Variants in TANC1 observed in about 807,000 individuals in gnomAD.
TANC1 encodes protein TANC1.
TANC1 carries 77 observed loss-of-function variants against 149.7 expected under a neutral mutation model. The observed-to-expected ratio is 0.51, with a 90% CI of 0.43 to 0.62. TANC1 has a LOEUF of 0.62. TANC1 is among the 20% of genes least tolerant of loss of function. The probability of loss-of-function intolerance (pLI) is 0.00; values close to 1 mark genes in which losing one functional copy is unlikely to be tolerated. For missense variants in TANC1, 1,985 were observed against 2,321.8 expected, an observed-to-expected ratio of 0.85 and a Z score of 2.98; for synonymous variants, 854 against 925.0, an observed-to-expected ratio of 0.92 and a Z score of 1.39.
In TANC1 at chr2:159,175,042, G is replaced by C; in HGVS notation, c.1593G>C (p.Arg531=). Residue 531 remains arginine (R), a synonymous_variant, in exon 12 of 27, where the codon CGG becomes CGC. Coordinates refer to ENST00000263635, the MANE Select transcript of TANC1 (RefSeq NM_033394.3). ...ACAGCATCGCAGCTTTGCTCTGCCG[G>C]TCCCATCAGCTGGCCGCCTACAGAG... ...FVHSIAALLC[R]SHQLAAYRDL... The C allele has an allele frequency of 1.2e-6, 2 of 1,614,194 alleles. No homozygotes were observed. The highest frequency in any genetic ancestry group is 1.7e-6 in the Non-Finnish European group (2 of 1,180,040).
At chr2:159,175,627 AT>A (rs1447303297) in intron 12 of TANC1, among the ~76,000 whole-genome samples, 1 of 152,158 alleles carries the variant, frequency 6.6e-6, no homozygotes, top group East Asian at 1.9e-4. Flanking sequence ...TTCCATTTTA[AT>A]TGTTTGTCCC....
chr2:159,212,945 C>T (rs1238923318), intron 19 of TANC1, among the ~76,000 whole-genome samples: 1 of 151,174 alleles, frequency 6.6e-6, no homozygotes, highest in Non-Finnish European at 1.5e-5. Context: ...AAAAAAATTT[C>T]CCTGAAACAA....
rs542046635 is a variant in TANC1 at position 159,043,848 on chromosome 2, A to G, written c.-15-22048A>G. Among the ~76,000 whole-genome samples, 4 of 152,312 alleles carry G rather than the reference A, an allele frequency of 2.6e-5. No individual in the cohort carries two copies. In the East Asian group the frequency reaches 7.7e-4, roughly 29 times the overall value. On this transcript the variant is annotated intron_variant, in intron 2 of 26. Transcript: ENST00000263635. ...GAAAAACTTCTTAAAGTTTAATGAC[A>G]AGGCTCCTTATCGCTCCTGGAAGAC...
chr2:159,119,261 G>T (rs925668196), intron 4 of TANC1, among the ~76,000 whole-genome samples: 1 of 152,194 alleles, frequency 6.6e-6, no homozygotes, highest in Admixed American at 6.5e-5. Context: ...GTGTGGGAAT[G>T]TGGAGCCAGT....
At chr2:159,169,502 CA>C in intron 9 of TANC1, 130 bp downstream of exon 9, 1 of 992,182 alleles carries the variant, frequency 1.0e-6, no homozygotes, top group Non-Finnish European at 1.5e-6. Flanking sequence ...GTGCTAAAAG[CA>C]TATCTGTGAG....
At chr2:158,981,291 A>C (rs537378928) in intron 1 of TANC1, among the ~76,000 whole-genome samples, 5 of 150,662 alleles carry the variant, frequency 3.3e-5, no homozygotes, top group Non-Finnish European at 7.4e-5. Flanking sequence ...ATCTCTATTG[A>C]AAGTGAAAAA....
intron 2 of TANC1, among the ~76,000 whole-genome samples, chr2:159,009,757 TC>T (rs1383687855): frequency 6.6e-6 from 1 of 152,152 alleles, no homozygotes; most frequent in Non-Finnish European, 1.5e-5. Context: ...ATTTTGAATG[TC>T]CCCAACACAA....
At chr2:159,074,275 CAGGG>C (rs372700665) in intron 3 of TANC1, among the ~76,000 whole-genome samples, 165 of 152,300 alleles carry the variant, frequency 1.1e-3, no homozygotes, top group African/African-American at 3.8e-3. Flanking sequence ...TAAAGTTTGT[CAGGG>C]AGTTGCCCAT....
chr2:159,106,265 C>CAA (rs71406147), intron 4 of TANC1, among the ~76,000 whole-genome samples: 5 of 151,890 alleles, frequency 3.3e-5, no homozygotes, highest in Non-Finnish European at 7.4e-5. Context: ...GAAACCAAAG[C>CAA]AAAAAAACCC....
intron 1 of TANC1, among the ~76,000 whole-genome samples, chr2:158,993,034 A>G (rs1180174733): frequency 6.6e-6 from 1 of 152,168 alleles, no homozygotes; most frequent in African/African-American, 2.4e-5. Flanking sequence ...TGTCATTAGA[A>G]TCAGGGCAGA....
In TANC1 at chr2:159,227,980, T is replaced by C; in HGVS notation, c.4050+15T>C. On this transcript the variant is annotated intron_variant, in intron 25 of 26. Transcript: ENST00000263635. ...GAAAAACAAATGTAAGCTGTGCCCC[T>C]TTATTCCAACCCAGTCTTCCAGCAA... 1 of 1,606,888 alleles carries C rather than the reference T, an allele frequency of 6.2e-7. No individual in the cohort carries two copies. The highest frequency in any genetic ancestry group is 8.5e-7 in the Non-Finnish European group (1 of 1,176,850).
At position 159,136,241 on chromosome 2, in the gene TANC1, G is replaced by C; in HGVS notation, c.307G>C (p.Asp103His). 1 of 1,613,768 alleles carries C rather than the reference G, an allele frequency of 6.2e-7. No homozygotes were observed. The highest frequency in any genetic ancestry group is 1.1e-5 in the South Asian group (1 of 91,074). Residue 103 changes from aspartate (D) to histidine (H), a missense_variant, in exon 5 of 27, where the codon GAT (aspartate) becomes CAT (histidine). Around this residue, in one of 3 missense-constraint regions of TANC1, gnomAD observed 557 missense variants for 612.9 expected, o/e 0.91. Transcript: ENST00000263635. ...KYVESPRVPG[D>H]AVIMPFREVA... is the part of the protein sequence containing the mutation. Reference sequence around the variant, plus strand: ...TGTGGAAAGCCCCAGAGTGCCTGGAGATGCAGTTATAATGCCATTCAGAGA... The same window carrying C: ...TGTGGAAAGCCCCAGAGTGCCTGGACATGCAGTTATAATGCCATTCAGAGA...
chr2:159,216,698 C>T (rs74991311), intron 19 of TANC1, among the ~76,000 whole-genome samples: 2,874 of 152,262 alleles, frequency 0.019, 45 homozygotes, highest in East Asian at 0.046. Flanking sequence ...GCTGACTTCC[C>T]GCAGCACCAC....
chr2:159,058,549 G>GATCT (rs1194871978), intron 2 of TANC1, among the ~76,000 whole-genome samples: 5 of 152,038 alleles, frequency 3.3e-5, no homozygotes, highest in African/African-American at 4.8e-5. Flanking sequence ...CCATAATTTT[G>GATCT]ATCTATCATC....
intron 19 of TANC1, among the ~76,000 whole-genome samples, chr2:159,208,746 CA>C (rs998126468): frequency 3.9e-5 from 6 of 152,156 alleles, no homozygotes; most frequent in African/African-American, 1.4e-4. Context: ...CAATGGGAAA[CA>C]ATAAGGAAGG....
At chr2:159,179,855 G>T (rs2056294350) in intron 14 of TANC1, among the ~76,000 whole-genome samples, 1 of 152,200 alleles carries the variant, frequency 6.6e-6, no homozygotes, top group Admixed American at 6.5e-5. Context: ...GAAAGTTTGA[G>T]GATGCAGATG....
intron 5 of TANC1, among the ~76,000 whole-genome samples, chr2:159,143,238 C>T (rs538473962): frequency 8.6e-5 from 13 of 151,920 alleles, no homozygotes; most frequent in Admixed American, 1.3e-4. Context: ...TGAGATCTCT[C>T]GTAATGTGAT....
chr2:159,081,794 C>T (rs1411213549), intron 3 of TANC1, among the ~76,000 whole-genome samples: 11 of 152,202 alleles, frequency 7.2e-5, no homozygotes, highest in Non-Finnish European at 1.0e-4. Context: ...TCTGCCTTCA[C>T]GGTACTGTCC....
chr2:159,015,360 T>C (rs1032650184), intron 2 of TANC1, among the ~76,000 whole-genome samples: 18 of 152,196 alleles, frequency 1.2e-4, no homozygotes, highest in African/African-American at 4.3e-4. Context: ...CTCCCTAGGC[T>C]GCCCACAGCA....
Sources: gnomAD v4.1 joint callset for allele counts (sites outside exome capture counted in the v4.1 genomes callset) on GRCh38, gnomAD v4.1.1 for gene constraint, gnomAD v4.1.1 regional missense constraint, MANE v1.5 for transcripts, NCBI Gene and HGNC (gene_info 2026-07-23, HGNC 2026-07-21) for gene names.